TMEM107: variants seen among roughly 807,000 people sequenced by gnomAD.
TMEM107 encodes the protein transmembrane protein 107.
Under a neutral mutation model 16.8 loss-of-function variants are expected in TMEM107, and 18 were observed. The ratio of observed to expected loss-of-function variants is 1.07; its 90% CI spans 0.74 to 1.59. TMEM107 has a LOEUF of 1.59. Among genes scored for constraint, TMEM107 ranks in the 40% most tolerant of loss-of-function variants. The pLI is 0.00. For missense variants in TMEM107, 152 were observed against 175.4 expected (o/e 0.87, Z 0.75); for synonymous variants, 68 against 71.6 (o/e 0.95, Z 0.25).
chr17:8,172,992 A>C lies in TMEM107; in HGVS notation c.*1211T>G, dbSNP rs1453954365. On this transcript the variant is annotated 3_prime_UTR_variant, in exon 5 of 5. Coordinates refer to ENST00000437139, the MANE Select transcript of TMEM107 (RefSeq NM_183065.4). The stretch of plus-strand genomic sequence containing the variant: ...GTGATGATGAGTTTCTTGGGGGTGT[A>C]CTGGTAGATTTTTAACAACCAACTC... Among the ~76,000 whole-genome samples the C allele has an allele frequency of 6.6e-6, 1 of 152,034 alleles. No individual in the cohort carries two copies. Among genetic ancestry groups the C allele is most frequent in the Non-Finnish European group, 1.5e-5 (1 of 68,016 alleles).
chr17:8,173,175 T>A lies in TMEM107; in HGVS notation c.*1028A>T. On this transcript the variant is annotated 3_prime_UTR_variant, in exon 5 of 5. Coordinates refer to ENST00000437139, the MANE Select transcript of TMEM107 (RefSeq NM_183065.4). ...GCACAAGACTGCAGATATTTACTGA[T>A]GTGCAATGTTTCCTGAGAAGTGAGG... 2.8e-6 allele frequency: 1 copy of A among 360,782 alleles called. No homozygotes were observed. The highest frequency in any genetic ancestry group is 3.0e-5 in the South Asian group (1 of 33,140). The allele number at this position is 360,782 out of a possible 1,614,324, so 22.3% of individuals were successfully genotyped here.
At chr17:8,174,668 G>A (rs753391926) in intron 3 of TMEM107, 52 bp from the exon 4 acceptor site, 2 of 1,514,298 alleles carry the variant, frequency 1.3e-6, no homozygotes, top group South Asian at 1.1e-5. Flanking sequence ...GACAGTGATG[G>A]GTCAGAAAAG....
rs755495846 is a variant in TMEM107, at chr17:8,173,531, T to G, written c.*672A>C. 7 of 765,312 alleles carry G rather than the reference T, an allele frequency of 9.1e-6. No individual in the cohort carries two copies. The highest frequency in any genetic ancestry group is 1.7e-5 in the Non-Finnish European group (7 of 418,040). The allele number at this position is 765,312 out of a possible 1,614,324, so 47.4% of individuals were successfully genotyped here. A position where few individuals can be genotyped will look rare whatever the true frequency, so the allele number is the denominator to read the frequency against. On this transcript the variant is annotated 3_prime_UTR_variant, in exon 5 of 5. Transcript: ENST00000437139. ...ATCACGTTTCATGCATCTCCAATCA[T>G]CATGTTCTAATCTGCCCTCCGGAGG... is the stretch of plus-strand genomic sequence containing the variant.
rs919944133 is a variant in TMEM107 at position 8,173,467 on chromosome 17, A to G, written c.*736T>C. ...TCGTCAGAAAGAATCAGACAGGAGCAATCAGGGTGTTGCAAGTCCTGATTA... is the reference window on the plus strand; with the variant it reads ...TCGTCAGAAAGAATCAGACAGGAGCGATCAGGGTGTTGCAAGTCCTGATTA... On this transcript the variant is annotated 3_prime_UTR_variant, in exon 5 of 5. Coordinates refer to ENST00000437139, the MANE Select transcript of TMEM107 (RefSeq NM_183065.4). 2.0e-5 allele frequency: 15 copies of G among 764,404 alleles called. No individual in the cohort carries two copies. Among genetic ancestry groups the G allele is most frequent in the Non-Finnish European group, 3.6e-5 (15 of 417,894 alleles). The allele number at this position is 764,404 out of a possible 1,614,324, so 47.4% of individuals were successfully genotyped here.
chr17:8,176,303 GGCGGC>G lies in TMEM107; in HGVS notation c.-22_-18del, dbSNP rs1984140116. ...CCGGCCCATGGCCCTCGGGGACAAG[GGCGGC>G]GGTCTCTGAGGCTGGAAGTTCAGAG... On this transcript the variant is annotated 5_prime_UTR_variant, in exon 1 of 5. Transcript: ENST00000437139. 1 of 1,609,542 alleles carries G rather than the reference GGCGGC, an allele frequency of 6.2e-7. No homozygotes were observed. Among genetic ancestry groups the G allele is most frequent in the African/African-American group, 1.3e-5 (1 of 74,708 alleles).
In TMEM107 at chr17:8,173,635, AC is replaced by A. The variant is rs750796048; in HGVS notation, c.*567del. On this transcript the variant is annotated 3_prime_UTR_variant, in exon 5 of 5. Transcript: ENST00000437139. ...TGCACTCAGTGAAAAAGATTCCGTT[AC>A]AAGCTAGGGTGAGTTCATAACGCGC... 5 of 744,444 alleles carry A rather than the reference AC, an allele frequency of 6.7e-6. No homozygotes were observed. Among genetic ancestry groups the A allele is most frequent in the South Asian group, 1.4e-5 (1 of 72,384 alleles). 46.1% of individuals were successfully genotyped at this position (744,444 alleles called of 1,614,324 possible).
In TMEM107 at chr17:8,173,714, G is replaced by C; in HGVS notation, c.*489C>G. 1 of 582,146 alleles carries C rather than the reference G, an allele frequency of 1.7e-6. No homozygotes were observed. Among genetic ancestry groups the C allele is most frequent in the Non-Finnish European group, 3.1e-6 (1 of 326,436 alleles). 36.1% of individuals were successfully genotyped at this position (582,146 alleles called of 1,614,324 possible). ...TCCTTCCAGTTGTTTTGCCATATTAGCTCGCACATTTTTTTAAATTTTTTT... is the reference window on the plus strand; with the variant it reads ...TCCTTCCAGTTGTTTTGCCATATTACCTCGCACATTTTTTTAAATTTTTTT... On this transcript the variant is annotated 3_prime_UTR_variant, in exon 5 of 5. Coordinates refer to ENST00000437139, the MANE Select transcript of TMEM107 (RefSeq NM_183065.4).
At chr17:8,174,371 G>T in intron 4 of TMEM107, 99 bp from the exon 5 acceptor site, 2 of 1,319,436 alleles carry the variant, frequency 1.5e-6, no homozygotes, top group Non-Finnish European at 2.2e-6. Flanking sequence ...CAGGTGGCAT[G>T]GGGGGTAGGG....
Position 8,175,771 on chromosome 17 carries a change from G to A in TMEM107, c.242C>T (p.Thr81Ile), listed in dbSNP as rs1984077464. ...FLSGVSMFNS[T>I]QSLISIGAHC... ...AGAAAGGATACAGATGAGGCTCTGG[G>A]TGCTGTTGAACATGGAGACTCCTGA... Residue 81 changes from threonine to isoleucine, a missense_variant, in exon 3 of 5, where the codon ACC becomes ATC. Physicochemically the swap from Thr to Ile is moderately conservative, Grantham distance 89. Coordinates refer to ENST00000437139, the MANE Select transcript of TMEM107 (RefSeq NM_183065.4). The A allele has an allele frequency of 6.2e-7, 1 of 1,614,004 alleles. No individual in the cohort carries two copies. The highest frequency in any genetic ancestry group is 1.3e-5 in the African/African-American group (1 of 74,910).
Position 8,173,812 on chromosome 17 carries a change from T to A in TMEM107, c.*391A>T. On this transcript the variant is annotated 3_prime_UTR_variant, in exon 5 of 5. Coordinates refer to ENST00000437139, the MANE Select transcript of TMEM107 (RefSeq NM_183065.4). ...CCGATCAGTTACGTGCCGGACGTTC[T>A]AACTGTACGCACTTTCTATTTACAT... 1.9e-6 allele frequency: 1 copy of A among 513,734 alleles called. No individual in the cohort carries two copies. Among genetic ancestry groups the A allele is most frequent in the East Asian group, 3.2e-5 (1 of 31,162 alleles). 31.8% of individuals were successfully genotyped at this position (513,734 alleles called of 1,614,324 possible).
rs1344590107 is a variant in TMEM107 at position 8,172,655 on chromosome 17, A to T, written c.*1548T>A. 1.3e-5 allele frequency among the ~76,000 whole-genome samples: 2 copies of T among 151,948 alleles called. No individual in the cohort carries two copies. Among genetic ancestry groups the T allele is most frequent in the Non-Finnish European group, 2.9e-5 (2 of 67,990 alleles). ...GGCTTGAGCCCAGGAGTTTGGGACCAGCTTGGGCAACACAGTGAGACCCTG... is the reference window on the plus strand; with the variant it reads ...GGCTTGAGCCCAGGAGTTTGGGACCTGCTTGGGCAACACAGTGAGACCCTG... On this transcript the variant is annotated 3_prime_UTR_variant, in exon 5 of 5. Coordinates refer to ENST00000437139, the MANE Select transcript of TMEM107 (RefSeq NM_183065.4).
chr17:8,174,100 G>C lies in TMEM107; in HGVS notation c.*103C>G. The C allele has an allele frequency of 2.1e-6, 2 of 962,092 alleles. No individual in the cohort carries two copies. Among genetic ancestry groups the C allele is most frequent in the African/African-American group, 1.6e-5 (1 of 61,674 alleles). 59.6% of individuals were successfully genotyped at this position (962,092 alleles called of 1,614,324 possible). A position where few individuals can be genotyped will look rare whatever the true frequency, so the allele number is the denominator to read the frequency against. On this transcript the variant is annotated 3_prime_UTR_variant, in exon 5 of 5. Transcript: ENST00000437139. ...CAACACATATCCTCCAGCAGAAGCA[G>C]TTTCCGAGGGGAAAACCGAAGCCTA... is the stretch of plus-strand genomic sequence containing the variant.
chr17:8,174,216 T>G lies in TMEM107; in HGVS notation c.410A>C (p.Lys137Thr). 3 of 1,614,062 alleles carry G rather than the reference T, an allele frequency of 1.9e-6. No individual in the cohort carries two copies. In the South Asian group the frequency reaches 3.3e-5, roughly 18 times the overall value. Residue 137 changes from lysine (K) to threonine (T), a missense_variant, in exon 5 of 5, where the codon AAG becomes ACG. By Grantham distance (78) the Lys-to-Thr change is moderately conservative. Transcript: ENST00000437139. ...TCATGAAGGTAATCAGAAGGGTTTC[T>G]TTTTCAGCCCAAAGACGGTGACGAA... ...ALFVTVFGLK[K>T]KPF
Position 8,172,871 on chromosome 17 carries a change from A to C in TMEM107, c.*1332T>G, listed in dbSNP as rs375439498. Among the ~76,000 whole-genome samples the C allele has an allele frequency of 1.6e-4, 23 of 146,700 alleles. No homozygotes were observed. Among genetic ancestry groups the C allele is most frequent in the African/African-American group, 4.4e-4 (18 of 40,502 alleles). The stretch of plus-strand genomic sequence containing the variant: ...AGACTGTCTCAAAAAAAAAAAAAAA[A>C]AAAACCAAAAGAGGGGGGTGGTCAA... On this transcript the variant is annotated 3_prime_UTR_variant, in exon 5 of 5. Transcript: ENST00000437139.
At position 8,172,860 on chromosome 17, in the gene TMEM107, A is replaced by AAC. The variant is rs1412884411; in HGVS notation, c.*1342_*1343insGT. 6.8e-6 allele frequency among the ~76,000 whole-genome samples: 1 copy of AAC among 147,394 alleles called. No individual in the cohort carries two copies. Among genetic ancestry groups the AAC allele is most frequent in the African/African-American group, 2.5e-5 (1 of 40,398 alleles). On this transcript the variant is annotated 3_prime_UTR_variant, in exon 5 of 5. Coordinates refer to ENST00000437139, the MANE Select transcript of TMEM107 (RefSeq NM_183065.4). ...GCAACAGAGTGAGACTGTCTCAAAA[A>AAC]AAAAAAAAAAAAAAACCAAAAGAGG...
In TMEM107 at chr17:8,173,550, C is replaced by T. The variant is rs200458465; in HGVS notation, c.*653G>A. ...CAATCATCATGTTCTAATCTGCCCT[C>T]CGGAGGAGGAACAGGTAAGGATTAT... On this transcript the variant is annotated 3_prime_UTR_variant, in exon 5 of 5. Coordinates refer to ENST00000437139, the MANE Select transcript of TMEM107 (RefSeq NM_183065.4). 40 of 765,358 alleles carry T rather than the reference C, an allele frequency of 5.2e-5. 1 individual carries two copies. The highest frequency in any genetic ancestry group is 2.9e-4 in the African/African-American group (17 of 59,218). The allele number at this position is 765,358 out of a possible 1,614,324, so 47.4% of individuals were successfully genotyped here.
At chr17:8,176,088 C>T (rs777937486) in intron 1 of TMEM107, 62 bp from the exon 2 acceptor site, 7 of 1,610,124 alleles carry the variant, frequency 4.3e-6, no homozygotes, top group Non-Finnish European at 5.9e-6. Flanking sequence ...GGCCTGGGGG[C>T]GGCGGGAAAC....
chr17:8,174,806 C>G, intron 3 of TMEM107, 190 bp from the exon 4 acceptor site: 1 of 601,566 alleles, frequency 1.7e-6, no homozygotes, highest in Non-Finnish European at 3.0e-6. Context: ...CCAGAAGTGA[C>G]TGCACAGATC....
chr17:8,175,803 A>G lies in TMEM107; in HGVS notation c.210T>C (p.Gly70=). 6.2e-7 allele frequency: 1 copy of G among 1,614,180 alleles called. No homozygotes were observed. Among genetic ancestry groups the G allele is most frequent in the South Asian group, 1.1e-5 (1 of 91,088 alleles). ...TGAACATGGAGACTCCTGAGAGGAA[A>G]CCGGCCAGCTCCACTGCAAAGAGGC... is the stretch of plus-strand genomic sequence containing the variant. The part of the protein sequence containing the change: ...TLGLFAVELA[G]FLSGVSMFNS... Residue 70 remains glycine, a synonymous_variant, in exon 3 of 5, where the codon GGT becomes GGC. Transcript: ENST00000437139.
Sources: gnomAD v4.1 joint callset for allele counts (sites outside exome capture counted in the v4.1 genomes callset) on GRCh38, gnomAD v4.1.1 for gene constraint, MANE v1.5 for transcripts, NCBI Gene and HGNC (gene_info 2026-07-23, HGNC 2026-07-21) for gene names.